Variants in TASP1 observed in about 807,000 individuals in gnomAD.
The protein encoded by TASP1 is taspase 1.
A neutral mutation model predicts 56.6 loss-of-function variants in TASP1; 16 were observed. The observed-to-expected ratio is 0.28, with a 90% CI of 0.19 to 0.43. The LOEUF (loss-of-function observed/expected upper bound fraction) is 0.43, where lower values mean the gene tolerates loss of function less well. Ranked by LOEUF, TASP1 falls within the 20% of genes least tolerant of loss-of-function variation. TASP1 has a pLI of 1.00. For missense variants in TASP1, 393 were observed against 511.6 expected, an observed-to-expected ratio of 0.77 and a Z score of 2.24; for synonymous variants, 179 against 184.2, an observed-to-expected ratio of 0.97 and a Z score of 0.23.
chr20:13,396,235 A>G (rs2041530881), intron 13 of TASP1, among the ~76,000 whole-genome samples: 1 of 152,186 alleles, frequency 6.6e-6, no homozygotes, highest in Non-Finnish European at 1.5e-5. Context: ...TGTCTTTCAA[A>G]AAGACACAAT....
At chr20:13,573,857 T>A (rs1568599810) in intron 6 of TASP1, among the ~76,000 whole-genome samples, 1 of 152,170 alleles carries the variant, frequency 6.6e-6, no homozygotes, top group Non-Finnish European at 1.5e-5. Context: ...ACTGCAATCA[T>A]AGAGTTCACC....
chr20:13,393,411 T>C, intron 13 of TASP1: 1 of 756,970 alleles, frequency 1.3e-6, no homozygotes, highest in South Asian at 1.4e-5. Context: ...GGACCTGACC[T>C]ACCGTCTGGA....
rs115683252 is a variant in TASP1, at chr20:13,517,623, C to T, written c.874+10810G>A. Among the ~76,000 whole-genome samples the T allele has an allele frequency of 2.2e-3, 334 of 152,146 alleles. 1 individual carries two copies. The highest frequency in any genetic ancestry group is 7.7e-3 in the African/African-American group (320 of 41,534). On this transcript the variant is annotated intron_variant, in intron 10 of 13. Transcript: ENST00000337743. ...TTCACAATCAGGAAAAAAATCTACTCATTTAAAATCTCTAAGATACAAGTA... is the reference window on the plus strand; with the variant it reads ...TTCACAATCAGGAAAAAAATCTACTTATTTAAAATCTCTAAGATACAAGTA...
the TASP1 span, among the ~76,000 whole-genome samples, chr20:13,364,288 T>TGCAAAA: frequency 6.6e-6 from 1 of 152,138 alleles, no homozygotes; most frequent in East Asian, 1.9e-4. Context: ...TTATAAAATG[T>TGCAAAA]TTGATGATGA....
chr20:13,390,293 A>T lies in TASP1; in HGVS notation c.*67T>A. 1 of 1,411,100 alleles carries T rather than the reference A, an allele frequency of 7.1e-7. No individual in the cohort carries two copies. The highest frequency in any genetic ancestry group is 9.9e-7 in the Non-Finnish European group (1 of 1,009,362). 87.4% of individuals were successfully genotyped at this position (1,411,100 alleles called of 1,614,324 possible). A position where few individuals can be genotyped will look rare whatever the true frequency, so the allele number is the denominator to read the frequency against. ...CAAGAAAGATAAAACAACCAACTTC[A>T]GTTAAAAACCCCCAAAAGCTCAGGT... On this transcript the variant is annotated 3_prime_UTR_variant, in exon 14 of 14. Coordinates refer to ENST00000337743, the MANE Select transcript of TASP1 (RefSeq NM_017714.3).
chr20:13,127,545 C>A, the TASP1 span, among the ~76,000 whole-genome samples: 9 of 152,148 alleles, frequency 5.9e-5, no homozygotes, highest in African/African-American at 2.2e-4. Flanking sequence ...TGGGGTACTC[C>A]ATCAGTTTTC....
chr20:13,270,074 C>T, the TASP1 span, among the ~76,000 whole-genome samples: 1 of 152,162 alleles, frequency 6.6e-6, no homozygotes, highest in African/African-American at 2.4e-5. Context: ...CCAGCTTGGT[C>T]AGATCTTTTG....
intron 4 of TASP1, chr20:13,614,775 C>T (rs1179024462): frequency 6.4e-6 from 3 of 467,578 alleles, no homozygotes; most frequent in African/African-American, 6.0e-5. Context: ...TAAACTTTCA[C>T]ATTTGAAATA....
chr20:13,107,523 T>C, the TASP1 span, among the ~76,000 whole-genome samples: 1 of 152,162 alleles, frequency 6.6e-6, no homozygotes, highest in Admixed American at 6.5e-5. Context: ...AATTTGTCAA[T>C]TAGGTAATAT....
Position 13,580,911 on chromosome 20 carries a change from G to A in TASP1, c.474C>T (p.Gly158=). 2 of 1,613,084 alleles carry A rather than the reference G, an allele frequency of 1.2e-6. No homozygotes were observed. The highest frequency in any genetic ancestry group is 1.7e-6 in the Non-Finnish European group (2 of 1,179,600). Residue 158 remains glycine (G), a synonymous_variant, in exon 6 of 14, where the codon GGC becomes GGT. Transcript: ENST00000337743. Reference sequence around the variant, plus strand: ...AAAGTGGTTACCAGGGAGGAATTCTGCCAGCCGAGAGCTTGCCCTTCTGCC... The same window carrying A: ...AAAGTGGTTACCAGGGAGGAATTCTACCAGCCGAGAGCTTGCCCTTCTGCC... ...CEGQKGKLSA[G]RIPPCFLVGE... is the part of the protein sequence containing the mutation.
the TASP1 span, among the ~76,000 whole-genome samples, chr20:13,374,606 C>G: frequency 9.2e-5 from 14 of 152,280 alleles, no homozygotes; most frequent in African/African-American, 3.4e-4. Context: ...CCTCAGCCTC[C>G]CAAAGTGCTG....
At chr20:13,140,663 G>C in the TASP1 span, among the ~76,000 whole-genome samples, 1 of 152,080 alleles carries the variant, frequency 6.6e-6, no homozygotes, top group East Asian at 1.9e-4. Flanking sequence ...CAGCTCTAAA[G>C]CTTAAATTTC....
intron 12 of TASP1, among the ~76,000 whole-genome samples, chr20:13,434,242 T>C (rs1005763035): frequency 6.6e-6 from 1 of 152,160 alleles, no homozygotes; most frequent in East Asian, 1.9e-4. Context: ...TTTCTAAATG[T>C]ATGTATGCTT....
the TASP1 span, among the ~76,000 whole-genome samples, chr20:13,155,692 G>C: frequency 2.0e-5 from 3 of 151,854 alleles, no homozygotes; most frequent in African/African-American, 4.8e-5. Context: ...CGGGCGTGGT[G>C]GTGGGTGCCT....
chr20:13,280,206 T>C, the TASP1 span, among the ~76,000 whole-genome samples: 1 of 151,920 alleles, frequency 6.6e-6, no homozygotes, highest in Admixed American at 6.6e-5. Context: ...TTTCTAAAAA[T>C]GAAGAAATTC....
chr20:13,557,018 T>C lies in TASP1; in HGVS notation c.675+1990A>G, dbSNP rs938083102. Among the ~76,000 whole-genome samples the C allele has an allele frequency of 2.6e-5, 4 of 152,336 alleles. No homozygotes were observed. The East Asian group carries it at 7.7e-4, about 29-fold the overall frequency. ...ATCTTGTTCACCATTATTTTCTTAC[T>C]ACCCAGTTCAGTCCCATTTCCTGAA... is the stretch of plus-strand genomic sequence containing the variant. On this transcript the variant is annotated intron_variant, in intron 8 of 13. Coordinates refer to ENST00000337743, the MANE Select transcript of TASP1 (RefSeq NM_017714.3).
the TASP1 span, among the ~76,000 whole-genome samples, chr20:13,298,080 T>A: frequency 6.6e-6 from 1 of 152,076 alleles, no homozygotes; most frequent in Admixed American, 6.5e-5. Flanking sequence ...TTTCTTTATA[T>A]TTTTATTTTT....
chr20:13,247,517 G>GGGGGGTGTGTGTGT, the TASP1 span, among the ~76,000 whole-genome samples: 3 of 139,806 alleles, frequency 2.1e-5, no homozygotes, highest in African/African-American at 8.1e-5. Context: ...CAAAGTGAGG[G>GGGGGGTGTGTGTGT]GTGTGTGTGT....
the TASP1 span, among the ~76,000 whole-genome samples, chr20:13,306,942 A>C: frequency 6.6e-6 from 1 of 152,190 alleles, no homozygotes; most frequent in Non-Finnish European, 1.5e-5. Context: ...AGTGGAGCCC[A>C]AGGCCACCTG....
Sources: allele counts gnomAD v4.1 joint callset (sites outside exome capture counted in the v4.1 genomes callset), GRCh38; gene constraint gnomAD v4.1.1; transcripts MANE v1.5; gene names NCBI Gene and HGNC (gene_info 2026-07-23, HGNC 2026-07-21).